The following DLGAP1 variants were observed in gnomAD, a reference collection of about 807,000 sequenced individuals.
The protein encoded by DLGAP1 is disks large-associated protein 1.
DLGAP1 carries 11 observed loss-of-function variants against 90.8 expected under a neutral mutation model. That is an observed-to-expected ratio of 0.12 (90% CI 0.08 to 0.20). The LOEUF (loss-of-function observed/expected upper bound fraction) is 0.20. DLGAP1 is among the 10% of genes least tolerant of loss of function. The pLI is 1.00. For synonymous variants in DLGAP1, 558 were observed against 540.7 expected, an observed-to-expected ratio of 1.03 and a Z score of -0.44; for missense variants, 1,050 against 1,333.8, an observed-to-expected ratio of 0.79 and a Z score of 3.31.
At chr18:3,840,080 G>A (rs1188514502) in intron 4 of DLGAP1, among the ~76,000 whole-genome samples, 1 of 152,104 alleles carries the variant, frequency 6.6e-6, no homozygotes, top group Non-Finnish European at 1.5e-5. Flanking sequence ...ACGTATTTAG[G>A]CACACATATA....
intron 4 of DLGAP1, among the ~76,000 whole-genome samples, chr18:3,852,104 A>G (rs1211513277): frequency 1.3e-5 from 2 of 152,230 alleles, no homozygotes; most frequent in Non-Finnish European, 2.9e-5. Flanking sequence ...GAAGAAAGCC[A>G]AAACAATGGA....
intron 7 of DLGAP1, among the ~76,000 whole-genome samples, chr18:3,695,417 A>G (rs2061058946): frequency 6.6e-6 from 1 of 152,210 alleles, no homozygotes; most frequent in African/African-American, 2.4e-5. Flanking sequence ...AGTTCTCTGC[A>G]TATGGCTAGC....
chr18:3,796,103 G>A (rs1439166447), intron 5 of DLGAP1, among the ~76,000 whole-genome samples: 1 of 152,166 alleles, frequency 6.6e-6, no homozygotes, highest in Non-Finnish European at 1.5e-5. Flanking sequence ...ATTATCACCA[G>A]CATTGATTAC....
intron 10 of DLGAP1, among the ~76,000 whole-genome samples, chr18:3,512,272 A>T (rs575734103): frequency 1.3e-5 from 2 of 152,292 alleles, no homozygotes; most frequent in East Asian, 3.9e-4. Context: ...TTCTTTTTAC[A>T]TAAGTAAATC....
chr18:4,258,428 T>A (rs60979443), intron 1 of DLGAP1, among the ~76,000 whole-genome samples: 3,640 of 152,150 alleles, frequency 0.024, 110 homozygotes, highest in African/African-American at 0.059. Context: ...AAGGACAAAA[T>A]GTTTTGATCG....
chr18:3,975,614 A>G (rs553198992), intron 3 of DLGAP1, among the ~76,000 whole-genome samples: 15 of 152,308 alleles, frequency 9.8e-5, no homozygotes, highest in Admixed American at 6.5e-5. Flanking sequence ...TCAAACAGAT[A>G]TTGGTACACC....
intron 1 of DLGAP1, among the ~76,000 whole-genome samples, chr18:4,182,461 T>C (rs961948048): frequency 5.9e-5 from 9 of 152,118 alleles, no homozygotes; most frequent in African/African-American, 2.2e-4. Flanking sequence ...TCCCCCACCT[T>C]GTGGCCCCTA....
chr18:3,780,237 T>G (rs1402431887), intron 5 of DLGAP1, among the ~76,000 whole-genome samples: 1 of 152,238 alleles, frequency 6.6e-6, no homozygotes, highest in Non-Finnish European at 1.5e-5. Flanking sequence ...GATAAGTTAT[T>G]ATCATGTATC....
At chr18:3,861,025 G>A (rs529759569) in intron 4 of DLGAP1, among the ~76,000 whole-genome samples, 8 of 152,246 alleles carry the variant, frequency 5.3e-5, no homozygotes, top group African/African-American at 1.4e-4. Context: ...CATGTATTTA[G>A]TTATTTAATG....
chr18:3,577,292 T>A (rs2055214194), intron 8 of DLGAP1, among the ~76,000 whole-genome samples: 1 of 152,242 alleles, frequency 6.6e-6, no homozygotes, highest in Non-Finnish European at 1.5e-5. Context: ...CCTAAACTTC[T>A]GGTAACCCCA....
At chr18:4,393,246 ACT>A (rs1196597523) in intron 1 of DLGAP1, among the ~76,000 whole-genome samples, 3 of 151,718 alleles carry the variant, frequency 2.0e-5, no homozygotes, top group East Asian at 3.9e-4. Context: ...GCCTATGAAA[ACT>A]CTGTCTACCA....
At chr18:3,689,670 C>A (rs1598359484) in intron 7 of DLGAP1, among the ~76,000 whole-genome samples, 1 of 151,972 alleles carries the variant, frequency 6.6e-6, no homozygotes, top group East Asian at 1.9e-4. Context: ...AGGACCCACA[C>A]AAATATAACT....
At chr18:4,402,929 C>T (rs1329718889) in intron 1 of DLGAP1, among the ~76,000 whole-genome samples, 1 of 152,108 alleles carries the variant, frequency 6.6e-6, no homozygotes, top group African/African-American at 2.4e-5. Context: ...CAATATTGTA[C>T]ACTCTGAAAT....
intron 7 of DLGAP1, chr18:3,708,227 G>T: frequency 2.8e-6 from 1 of 357,372 alleles, no homozygotes; most frequent in South Asian, 2.1e-5. Flanking sequence ...GGCTGGTCTT[G>T]AATGCTTGAC....
chr18:3,858,838 A>T (rs1337827833), intron 4 of DLGAP1, among the ~76,000 whole-genome samples: 2 of 152,188 alleles, frequency 1.3e-5, no homozygotes, highest in Non-Finnish European at 2.9e-5. Context: ...CAAGAAAGGA[A>T]CACTCCTTTT....
intron 2 of DLGAP1, among the ~76,000 whole-genome samples, chr18:4,149,576 G>C (rs2076639350): frequency 6.6e-6 from 1 of 152,170 alleles, no homozygotes; most frequent in African/African-American, 2.4e-5. Context: ...ACTGGTTCCT[G>C]GTAGGAACTG....
chr18:3,639,755 C>CTTTTTTT (rs58862252), intron 7 of DLGAP1, among the ~76,000 whole-genome samples: 3,112 of 118,138 alleles, frequency 0.026, 307 homozygotes, highest in African/African-American at 0.11. Flanking sequence ...GCAGAGTTGC[C>CTTTTTTT]TTTTTTTTTT....
At chr18:3,562,899 G>A (rs2054222808) in intron 9 of DLGAP1, among the ~76,000 whole-genome samples, 1 of 152,054 alleles carries the variant, frequency 6.6e-6, no homozygotes, top group East Asian at 1.9e-4. Context: ...TGTGATCTCA[G>A]CTCGCTATAA....
intron 7 of DLGAP1, chr18:3,656,193 T>G: frequency 8.2e-7 from 1 of 1,226,990 alleles, no homozygotes; most frequent in African/African-American, 1.5e-5. Context: ...CACGCATGCT[T>G]CAGATTTGGA....
Sources: gnomAD v4.1 joint callset for allele counts (sites outside exome capture counted in the v4.1 genomes callset) on GRCh38, gnomAD v4.1.1 for gene constraint, MANE v1.5 for transcripts, NCBI Gene and HGNC (gene_info 2026-07-23, HGNC 2026-07-21) for gene names.